ERLIN2: variants seen among roughly 807,000 people sequenced by gnomAD.
The protein encoded by ERLIN2 is erlin-2.
Under a neutral mutation model 41.5 loss-of-function variants are expected in ERLIN2, and 22 were observed. That is an observed-to-expected ratio of 0.53 (90% CI 0.38 to 0.76). The LOEUF (loss-of-function observed/expected upper bound fraction) is 0.76, where lower values mean the gene tolerates loss of function less well. Among genes scored for constraint, ERLIN2 ranks in the 30% least tolerant of loss-of-function variants. The probability of loss-of-function intolerance (pLI) is 0.00; values close to 1 mark genes in which losing one functional copy is unlikely to be tolerated. For synonymous variants in ERLIN2, 149 were observed against 150.9 expected (o/e 0.99, Z 0.09); for missense variants, 247 against 414.3 (o/e 0.60, Z 3.51).
At chr8:37,747,386 C>T (rs1304197870) in intron 6 of ERLIN2, 4 of 1,516,542 alleles carry the variant, frequency 2.6e-6, no homozygotes, top group Non-Finnish European at 3.7e-6. Flanking sequence ...ACTTTCTTGG[C>T]TTCCCATTCA....
Position 37,741,809 on chromosome 8 carries a change from G to C in ERLIN2, c.227G>C (p.Cys76Ser). The change falls in exon 4 of 12, where the codon TGT becomes TCT. Residue 76 changes from cysteine (C) to serine (S), a missense_variant. Cys to Ser is a moderately radical substitution (Grantham distance 112). Coordinates refer to ENST00000519638, the MANE Select transcript of ERLIN2 (RefSeq NM_007175.8). The surrounding 1 kb of genome is among the most constrained non-coding windows in gnomAD (Gnocchi z 4.8). ...ACAGATGAGGTGAAGAATGTACCTTGTGGGACTAGGTAAGGTACCCAGAAT... is the reference window on the plus strand; with the variant it reads ...ACAGATGAGGTGAAGAATGTACCTTCTGGGACTAGGTAAGGTACCCAGAAT... ...LQTDEVKNVPCGTSGGVMIYF... is the reference protein window; with the variant it reads ...LQTDEVKNVPSGTSGGVMIYF... 1 of 1,612,814 alleles carries C rather than the reference G, an allele frequency of 6.2e-7. No individual in the cohort carries two copies. The highest frequency in any genetic ancestry group is 8.5e-7 in the Non-Finnish European group (1 of 1,178,770).
intron 6 of ERLIN2, 125 bp downstream of exon 6, chr8:37,744,821 G>A: frequency 9.4e-7 from 1 of 1,065,094 alleles, no homozygotes; most frequent in South Asian, 1.3e-5. Context: ...AAATGTTAAA[G>A]AATCTTGTGC....
In ERLIN2 at chr8:37,753,931, A is replaced by C. The variant is rs1359525659; in HGVS notation, c.836A>C (p.Glu279Ala). The change falls in exon 12 of 12, where the codon GAA (glutamate) becomes GCA (alanine). Residue 279 changes from glutamate (E) to alanine (A), a missense_variant. Physicochemically the swap from Glu to Ala is moderately radical, Grantham distance 107. Coordinates refer to ENST00000519638, the MANE Select transcript of ERLIN2 (RefSeq NM_007175.8). ...AEANKLKLTP[E>A]YLQLMKYKAI... ...TTTTAACAGCTGAAGCTAACCCCTGAATATCTGCAGCTGATGAAGTACAAG... is the reference window on the plus strand; with the variant it reads ...TTTTAACAGCTGAAGCTAACCCCTGCATATCTGCAGCTGATGAAGTACAAG... The C allele has an allele frequency of 2.5e-6, 4 of 1,613,558 alleles. No individual in the cohort carries two copies. In the African/African-American group the frequency reaches 5.3e-5, roughly 22 times the overall value.
chr8:37,753,197 C>T (rs945571361), intron 10 of ERLIN2, among the ~76,000 whole-genome samples: 8 of 152,252 alleles, frequency 5.3e-5, no homozygotes, highest in Non-Finnish European at 1.2e-4. Context: ...GCCATAGCCA[C>T]AGACTTGCTG....
intron 8 of ERLIN2, 166 bp downstream of exon 8, chr8:37,750,018 A>C: frequency 1.4e-6 from 1 of 713,214 alleles, no homozygotes; most frequent in Admixed American, 2.0e-5. Flanking sequence ...CAGGGCCACC[A>C]CTGGGGCTCC....
intron 1 of ERLIN2, 180 bp downstream of exon 1, chr8:37,736,858 C>A: frequency 1.0e-6 from 1 of 985,914 alleles, no homozygotes; most frequent in Non-Finnish European, 1.2e-6. Context: ...GCAGGGGGAC[C>A]GAGCGGAGGC....
chr8:37,753,575 G>C, intron 11 of ERLIN2, 46 bp downstream of exon 11: 1 of 1,559,216 alleles, frequency 6.4e-7, no homozygotes, highest in Non-Finnish European at 8.8e-7. Context: ...TTGGGTCTGG[G>C]TCTGTATTGC....
chr8:37,743,492 C>T (rs1802927239), intron 4 of ERLIN2, among the ~76,000 whole-genome samples: 1 of 152,132 alleles, frequency 6.6e-6, no homozygotes, highest in Non-Finnish European at 1.5e-5. Flanking sequence ...GATTACAGCC[C>T]ACCCTTATGA....
intron 4 of ERLIN2, among the ~76,000 whole-genome samples, 177 bp from the exon 5 acceptor site, chr8:37,744,178 T>A (rs948358812): frequency 6.6e-6 from 1 of 152,196 alleles, no homozygotes; most frequent in Non-Finnish European, 1.5e-5. Flanking sequence ...CAGGAGAGTA[T>A]GTTGTTGCCA....
At position 37,749,405 on chromosome 8, in the gene ERLIN2, C is replaced by G. The variant is rs187426646; in HGVS notation, c.425-154C>G. Among the ~76,000 whole-genome samples the G allele has an allele frequency of 3.0e-3, 459 of 152,328 alleles. 3 individuals carry two copies. The highest frequency in any genetic ancestry group is 0.011 in the African/African-American group (445 of 41,570). On this transcript the variant is annotated intron_variant, in intron 6 of 11. Transcript: ENST00000519638. ...TGCACAGGCTGCTTCAGAAGTTGGG[C>G]AGGGGATCTTTAGATTTGTGGGCTT...
At position 37,756,816 on chromosome 8, in the gene ERLIN2, T is replaced by A. The variant is rs181935690; in HGVS notation, c.*2701T>A. The A allele has an allele frequency of 2.0e-5, 3 of 152,766 alleles. No homozygotes were observed. Among genetic ancestry groups the A allele is most frequent in the Admixed American group, 2.0e-4 (3 of 15,302 alleles). 9.5% of individuals were successfully genotyped at this position (152,766 alleles called of 1,614,324 possible). ...ATGGCTGCTATTTATAAATGGAACATCTATCAAAATAAGTAACTGTTTATA... is the reference window on the plus strand; with the variant it reads ...ATGGCTGCTATTTATAAATGGAACAACTATCAAAATAAGTAACTGTTTATA... On this transcript the variant is annotated 3_prime_UTR_variant, in exon 12 of 12. Coordinates refer to ENST00000519638, the MANE Select transcript of ERLIN2 (RefSeq NM_007175.8).
At chr8:37,748,055 G>T in intron 6 of ERLIN2, 1 of 1,484,116 alleles carries the variant, frequency 6.7e-7, no homozygotes, top group East Asian at 2.3e-5. Flanking sequence ...GGGTCGCGCC[G>T]AAATGACGTC....
In ERLIN2 at chr8:37,756,588, A is replaced by C. The variant is rs1803364226; in HGVS notation, c.*2473A>C. ...TTAAACAAAAAATATGTTATCCTACACATTAGTGTCAATCCAATGGTTGTC... is the reference window on the plus strand; with the variant it reads ...TTAAACAAAAAATATGTTATCCTACCCATTAGTGTCAATCCAATGGTTGTC... On this transcript the variant is annotated 3_prime_UTR_variant, in exon 12 of 12. Transcript: ENST00000519638. 1 of 152,612 alleles carries C rather than the reference A, an allele frequency of 6.6e-6. No individual in the cohort carries two copies. The highest frequency in any genetic ancestry group is 2.4e-5 in the African/African-American group (1 of 41,464). The allele number at this position is 152,612 out of a possible 1,614,324, so 9.5% of individuals were successfully genotyped here. A position where few individuals can be genotyped will look rare whatever the true frequency, so the allele number is the denominator to read the frequency against.
rs1358300872 is a variant in ERLIN2 at position 37,741,470 on chromosome 8, AC to A, written c.190-301del. ...GCCTTCGAACATAAAGCGGTGCCTA[AC>A]ATAAATAGAAGAGGTAGAAGCAAGC... On this transcript the variant is annotated intron_variant, in intron 3 of 11. Transcript: ENST00000519638. The surrounding 1 kb of genome is among the most constrained non-coding windows in gnomAD (Gnocchi z 4.8). Among the ~76,000 whole-genome samples the A allele has an allele frequency of 6.6e-6, 1 of 152,232 alleles. No individual in the cohort carries two copies. Among genetic ancestry groups the A allele is most frequent in the African/African-American group, 2.4e-5 (1 of 41,462 alleles).
At position 37,739,820 on chromosome 8, in the gene ERLIN2, T is replaced by G. The variant is rs564196152; in HGVS notation, c.108-545T>G. Reference sequence around the variant, plus strand: ...GATTCTGCTGTCTTTTTCTTTTTTTTTTTTAGACAGAGTCTCACTTTGTTG... The same window carrying G: ...GATTCTGCTGTCTTTTTCTTTTTTTGTTTTAGACAGAGTCTCACTTTGTTG... On this transcript the variant is annotated intron_variant, in intron 2 of 11. Coordinates refer to ENST00000519638, the MANE Select transcript of ERLIN2 (RefSeq NM_007175.8). Among the ~76,000 whole-genome samples, 944 of 151,888 alleles carry G rather than the reference T, an allele frequency of 6.2e-3. 8 individuals carry two copies. The highest frequency in any genetic ancestry group is 0.022 in the African/African-American group (902 of 41,432).
At chr8:37,738,540 C>T (rs1802736482) in intron 2 of ERLIN2, among the ~76,000 whole-genome samples, 1 of 152,164 alleles carries the variant, frequency 6.6e-6, no homozygotes, top group Non-Finnish European at 1.5e-5. Context: ...ACATTTCAGC[C>T]AGCCTGGGTC....
chr8:37,746,770 C>T (rs1050729281), intron 6 of ERLIN2, among the ~76,000 whole-genome samples: 9 of 152,010 alleles, frequency 5.9e-5, no homozygotes, highest in African/African-American at 2.2e-4. Context: ...TCACCTATAG[C>T]TTCAGTGTGT....
At chr8:37,749,458 C>A in intron 6 of ERLIN2, 101 bp from the exon 7 acceptor site, 1 of 833,388 alleles carries the variant, frequency 1.2e-6, no homozygotes, top group Non-Finnish European at 2.1e-6. Context: ...TGGGAAAGTA[C>A]ATTCTTGAGC....
intron 6 of ERLIN2, chr8:37,745,858 A>C: frequency 7.6e-7 from 1 of 1,314,394 alleles, no homozygotes; most frequent in South Asian, 2.0e-5. Flanking sequence ...TTTTAACCTC[A>C]AACTAATAGA....
Sources: allele counts gnomAD v4.1 joint callset (sites outside exome capture counted in the v4.1 genomes callset), GRCh38; gene constraint gnomAD v4.1.1; non-coding constraint Gnocchi (gnomAD v3.1); transcripts MANE v1.5; gene names NCBI Gene and HGNC (gene_info 2026-07-23, HGNC 2026-07-21).